Variants in PATJ observed in about 807,000 individuals in gnomAD.
PATJ encodes inaD-like protein.
A neutral mutation model predicts 224.9 loss-of-function variants in PATJ; 190 were observed. The observed-to-expected ratio is 0.84, with a 90% CI of 0.75 to 0.95. The LOEUF (loss-of-function observed/expected upper bound fraction) is 0.95, where lower values mean the gene tolerates loss of function less well. Ranked by LOEUF, PATJ falls within the 40% of genes least tolerant of loss-of-function variation. The pLI, the probability that PATJ is intolerant of heterozygous loss-of-function variation, is 0.00. For synonymous variants in PATJ, 769 were observed against 820.3 expected (o/e 0.94, Z 1.07); for missense variants, 2,121 against 2,270.3 (o/e 0.93, Z 1.34).
chr1:61,909,809 G>A (rs890704851), intron 25 of PATJ, among the ~76,000 whole-genome samples: 1 of 152,190 alleles, frequency 6.6e-6, no homozygotes, highest in East Asian at 1.9e-4. Context: ...AACTGGGTGG[G>A]TATATGTTTG....
At chr1:62,116,413 GAAAAC>G in intron 35 of PATJ, 114 bp from the exon 36 acceptor site, 2 of 1,263,152 alleles carry the variant, frequency 1.6e-6, no homozygotes, top group Non-Finnish European at 2.1e-6. Flanking sequence ...GAAACAAAAA[GAAAAC>G]AAAACTGGAA....
chr1:62,017,812 T>G (rs762667195), intron 28 of PATJ, 44 bp from the exon 29 acceptor site: 2 of 958,586 alleles, frequency 2.1e-6, no homozygotes, highest in Non-Finnish European at 3.4e-6. Context: ...CATATATACT[T>G]GTAGACATGT....
rs759052034 is a variant in PATJ, at chr1:61,797,289, C to T, written c.1263C>T (p.Val421=). The change falls in exon 11 of 44, where the codon GTC becomes GTT. Residue 421 remains valine, a splice_region_variant and synonymous_variant. Transcript: ENST00000642238. ...TAATGTTTCTCTTGATGTTTTAGGT[C>T]GATGGCGTGAACATTCAGGGTTTTG... ...HIQVNDKIVA[V]DGVNIQGFAN... 1.4e-5 allele frequency: 23 copies of T among 1,610,698 alleles called. No homozygotes were observed. The highest frequency in any genetic ancestry group is 3.3e-5 in the Admixed American group (2 of 59,922).
intron 33 of PATJ, among the ~76,000 whole-genome samples, chr1:62,106,700 C>A (rs1663096713): frequency 6.6e-6 from 1 of 152,136 alleles, no homozygotes; most frequent in Non-Finnish European, 1.5e-5. Flanking sequence ...AACACCCAGA[C>A]ATTGATGACG....
intron 22 of PATJ, among the ~76,000 whole-genome samples, chr1:61,897,678 C>T (rs2498997): frequency 0.24 from 36,201 of 152,078 alleles, 4,970 homozygotes; most frequent in African/African-American, 0.37. Context: ...CTTTTGGTTC[C>T]ATATCACTGA....
At chr1:62,154,948 A>T (rs1348063822) in intron 43 of PATJ, among the ~76,000 whole-genome samples, 3 of 152,212 alleles carry the variant, frequency 2.0e-5, no homozygotes, top group African/African-American at 7.2e-5. Flanking sequence ...TAAACTGGTG[A>T]TAGGCAAAAG....
At position 61,871,433 on chromosome 1, in the gene PATJ, A is replaced by ACGCG. The variant is rs36180784; in HGVS notation, c.2836-3810_2836-3809insCGCG. 1.3e-3 allele frequency among the ~76,000 whole-genome samples: 142 copies of ACGCG among 111,270 alleles called. 3 individuals are homozygous for ACGCG. The East Asian group carries it at 0.059, about 46-fold the overall frequency. The allele number at this position is 111,270 out of a possible 152,430, so 73.0% of individuals were successfully genotyped here. A position where few individuals can be genotyped will look rare whatever the true frequency, so the allele number is the denominator to read the frequency against. ...TATATACATATATATGTACATATAT[A>ACGCG]TGTGTATATACACATATATATGCGT... On this transcript the variant is annotated intron_variant, in intron 20 of 43. Coordinates refer to ENST00000642238, the MANE Select transcript of PATJ (RefSeq NM_001350145.3).
chr1:62,083,592 T>C (rs1659562585), intron 32 of PATJ, among the ~76,000 whole-genome samples: 1 of 152,214 alleles, frequency 6.6e-6, no homozygotes, highest in African/African-American at 2.4e-5. Flanking sequence ...AAATAAACCT[T>C]TGTAAAAAAG....
chr1:61,810,841 T>TGA, intron 14 of PATJ, among the ~76,000 whole-genome samples: 2 of 151,992 alleles, frequency 1.3e-5, no homozygotes, highest in Non-Finnish European at 2.9e-5. Context: ...GGAGAATCAC[T>TGA]TGAACCCGGG....
At chr1:61,861,807 A>G (rs1664659329) in intron 19 of PATJ, 140 bp downstream of exon 19, 1 of 502,186 alleles carries the variant, frequency 2.0e-6, no homozygotes, top group Non-Finnish European at 3.6e-6. Flanking sequence ...TAAAGAAGAC[A>G]AAAGCTTGTC....
chr1:62,040,425 G>A (rs1169602192), intron 30 of PATJ, among the ~76,000 whole-genome samples: 2 of 152,068 alleles, frequency 1.3e-5, no homozygotes, highest in Non-Finnish European at 2.9e-5. Context: ...GGGCTGAGTA[G>A]GAAGTGGGGA....
intron 14 of PATJ, among the ~76,000 whole-genome samples, chr1:61,813,705 G>A (rs888840798): frequency 6.6e-6 from 1 of 151,994 alleles, no homozygotes; most frequent in Non-Finnish European, 1.5e-5. Flanking sequence ...TTAAGGCAGG[G>A]AACATAGGAA....
chr1:61,903,156 A>G (rs1165691001), intron 24 of PATJ, among the ~76,000 whole-genome samples: 1 of 152,186 alleles, frequency 6.6e-6, no homozygotes, highest in Admixed American at 6.5e-5. Context: ...ATTGTTTCAA[A>G]GGAGTATTCT....
chr1:62,010,396 C>A (rs566827478), intron 28 of PATJ, among the ~76,000 whole-genome samples: 2 of 151,642 alleles, frequency 1.3e-5, no homozygotes, highest in African/African-American at 4.8e-5. Context: ...CAGGTATATT[C>A]TTTTTTTTCC....
intron 26 of PATJ, 83 bp from the exon 27 acceptor site, chr1:61,927,647 C>A: frequency 1.2e-6 from 1 of 846,456 alleles, no homozygotes; most frequent in Non-Finnish European, 1.9e-6. Flanking sequence ...TATTTCCAGA[C>A]TATCTTTTTA....
At chr1:62,041,875 G>GA (rs1351552142) in intron 30 of PATJ, among the ~76,000 whole-genome samples, 3 of 151,984 alleles carry the variant, frequency 2.0e-5, no homozygotes, top group African/African-American at 4.8e-5. Context: ...CTAAAAAATA[G>GA]AAAAAATAGG....
chr1:61,752,138 CAA>C (rs33975795), intron 1 of PATJ, among the ~76,000 whole-genome samples: 4 of 117,938 alleles, frequency 3.4e-5, no homozygotes, highest in Non-Finnish European at 5.1e-5. Context: ...AACATCATCT[CAA>C]AAAAAAAAAA....
chr1:61,766,227 G>A, intron 3 of PATJ, 52 bp from the exon 4 acceptor site: 1 of 1,253,014 alleles, frequency 8.0e-7, no homozygotes, highest in Non-Finnish European at 1.1e-6. Context: ...TTAATAAATA[G>A]AAACAATTTT....
intron 31 of PATJ, among the ~76,000 whole-genome samples, chr1:62,054,687 T>G (rs1340224482): frequency 6.6e-6 from 1 of 152,214 alleles, no homozygotes; most frequent in Non-Finnish European, 1.5e-5. Context: ...AGAACTTGAA[T>G]GAAAGTACTT....
Sources: gnomAD v4.1 joint callset for allele counts (sites outside exome capture counted in the v4.1 genomes callset) on GRCh38, gnomAD v4.1.1 for gene constraint, MANE v1.5 for transcripts, NCBI Gene and HGNC (gene_info 2026-07-23, HGNC 2026-07-21) for gene names.